SACS: variants seen among roughly 807,000 people sequenced by gnomAD.
The protein encoded by SACS is sacsin molecular chaperone.
Under a neutral mutation model 348.0 loss-of-function variants are expected in SACS, and 197 were observed. The observed-to-expected ratio is 0.57, with a 90% CI of 0.50 to 0.64. SACS has a LOEUF of 0.64. SACS is among the 30% of genes least tolerant of loss of function. The probability of loss-of-function intolerance (pLI) is 0.00; values close to 1 mark genes in which losing one functional copy is unlikely to be tolerated. For missense variants in SACS, 4,999 were observed against 5,360.8 expected (o/e 0.93, Z 2.11); for synonymous variants, 1,985 against 1,910.6 (o/e 1.04, Z -1.02).
Position 23,361,814 on chromosome 13 carries a change from TGA to T in SACS, c.458-3335_458-3334del, listed in dbSNP as rs1870751692. ...AAAAAAAAAAAAGGAATAAACATCC[TGA>T]GAGAAAAATTAAAAGGTTGTCTGGG... On this transcript the variant is annotated intron_variant, in intron 6 of 9. Transcript: ENST00000382292. Among the ~76,000 whole-genome samples the T allele has an allele frequency of 4.0e-5, 6 of 150,544 alleles. No individual in the cohort carries two copies. In the South Asian group the frequency reaches 1.0e-3, roughly 26 times the overall value.
chr13:23,415,381 A>G (rs1012846161), intron 1 of SACS, among the ~76,000 whole-genome samples: 10 of 152,054 alleles, frequency 6.6e-5, no homozygotes, highest in Non-Finnish European at 1.2e-4. Flanking sequence ...CTAACTCACA[A>G]TTTAGAATTC....
intron 1 of SACS, among the ~76,000 whole-genome samples, chr13:23,416,711 C>T (rs1051601342): frequency 2.7e-5 from 4 of 150,606 alleles, no homozygotes; most frequent in South Asian, 2.1e-4. Flanking sequence ...GAGCCAAGAT[C>T]GCGCCATTGC....
chr13:23,406,927 G>C (rs987318310), intron 2 of SACS, among the ~76,000 whole-genome samples: 1 of 152,124 alleles, frequency 6.6e-6, no homozygotes, highest in Non-Finnish European at 1.5e-5. Flanking sequence ...TTCTAGATGT[G>C]TTCACTGTCT....
At chr13:23,392,089 T>C (rs542108414) in intron 2 of SACS, among the ~76,000 whole-genome samples, 2 of 152,242 alleles carry the variant, frequency 1.3e-5, no homozygotes, top group East Asian at 3.9e-4. Context: ...GGAAACCAAG[T>C]CTACCGGGTC....
chr13:23,330,179 C>T lies in SACS; in HGVS notation c.13697G>A (p.Cys4566Tyr), dbSNP rs1216135861. ...VAMRVMECTA[C>Y]IIIKLENFMQ... Reference sequence around the variant, plus strand: ...AAAATTTTCAAGTTTTATTATGATACAGGCAGTACATTCCATCACCCTCAT... The same window carrying T: ...AAAATTTTCAAGTTTTATTATGATATAGGCAGTACATTCCATCACCCTCAT... The change falls in exon 10 of 10, where the codon TGT (cysteine) becomes TAT (tyrosine). Residue 4566 changes from cysteine to tyrosine, a missense_variant. This residue lies in a region of SACS where 254 missense variants were observed against 275.1 expected (regional missense o/e 0.92). Coordinates refer to ENST00000382292, the MANE Select transcript of SACS (RefSeq NM_014363.6). 1 of 1,613,992 alleles carries T rather than the reference C, an allele frequency of 6.2e-7. No individual in the cohort carries two copies. Among genetic ancestry groups the T allele is most frequent in the Non-Finnish European group, 8.5e-7 (1 of 1,179,930 alleles).
At position 23,371,162 on chromosome 13, in the gene SACS, A is replaced by G. The variant is rs539836931; in HGVS notation, c.175T>C (p.Ser59Pro). The change falls in exon 4 of 10, where the codon TCT becomes CCT. Residue 59 changes from serine (S) to proline (P), a missense_variant. Coordinates refer to ENST00000382292, the MANE Select transcript of SACS (RefSeq NM_014363.6). ...QRLWRGGREL[S>P]DWIKIGDLTS... ...AGATCTCCAATCTTGATCCAGTCAGATAACTGAAAAAAAGCAAAAGAAAAT... is the reference window on the plus strand; with the variant it reads ...AGATCTCCAATCTTGATCCAGTCAGGTAACTGAAAAAAAGCAAAAGAAAAT... 1.2e-6 allele frequency: 2 copies of G among 1,604,768 alleles called. No individual in the cohort carries two copies. Among genetic ancestry groups the G allele is most frequent in the Non-Finnish European group, 1.7e-6 (2 of 1,172,982 alleles).
intron 3 of SACS, among the ~76,000 whole-genome samples, chr13:23,374,299 A>G (rs1285777942): frequency 2.6e-5 from 4 of 152,208 alleles, no homozygotes; most frequent in African/African-American, 9.6e-5. Flanking sequence ...CTGAAGCAGG[A>G]AAAATCACAG....
Position 23,339,568 on chromosome 13 carries a change from A to G in SACS, c.4308T>C (p.Val1436=). The part of the protein sequence containing the change: ...IPMKTAEWLK[V]PCLSTRLINP... ...TTATCAGTCTTGTACTAAGGCATGG[A>G]ACTTTTAGCCATTCTGCAGTTTTCA... Residue 1436 remains valine (V), a synonymous_variant, in exon 10 of 10, where the codon GTT becomes GTC. Transcript: ENST00000382292. The G allele has an allele frequency of 6.2e-7, 1 of 1,612,860 alleles. No homozygotes were observed. Among genetic ancestry groups the G allele is most frequent in the Non-Finnish European group, 8.5e-7 (1 of 1,178,950 alleles).
In SACS at chr13:23,375,334, G is replaced by T. The variant is rs1871695510; in HGVS notation, c.21-65C>A. The T allele has an allele frequency of 3.7e-6, 5 of 1,346,504 alleles. No individual in the cohort carries two copies. The East Asian group carries it at 1.3e-4, about 34-fold the overall frequency. 83.4% of individuals were successfully genotyped at this position (1,346,504 alleles called of 1,614,324 possible). On this transcript the variant is annotated intron_variant, in intron 2 of 9. Coordinates refer to ENST00000382292, the MANE Select transcript of SACS (RefSeq NM_014363.6). The stretch of plus-strand genomic sequence containing the variant: ...CCACCCGCCCGCCCAGCGCCCGCGC[G>T]GCCTCCACCCGCGTTACCTCTCCCA...
In SACS at chr13:23,333,051, C is replaced by T. The variant is rs1184604309; in HGVS notation, c.10825G>A (p.Val3609Met). ...GACCAGTTTTCTGTATTAGCCCTCA[C>T]ACTGATTTCCTTAGCAAACTGTAAC... ...QLLQFAKEIS[V>M]RANTENWSKE... Residue 3609 changes from valine (V) to methionine (M), a missense_variant, in exon 10 of 10, where the codon GTG becomes ATG. Val to Met is a conservative substitution (Grantham distance 21). Around this residue, in one of 6 missense-constraint regions of SACS, gnomAD observed 831 missense variants for 941.8 expected, o/e 0.88. Coordinates refer to ENST00000382292, the MANE Select transcript of SACS (RefSeq NM_014363.6). 3 of 1,613,842 alleles carry T rather than the reference C, an allele frequency of 1.9e-6. 1 individual carries two copies. The East Asian group carries it at 6.7e-5, about 36-fold the overall frequency.
chr13:23,393,750 T>G (rs1237475989), intron 2 of SACS, among the ~76,000 whole-genome samples: 1 of 152,070 alleles, frequency 6.6e-6, no homozygotes, highest in Non-Finnish European at 1.5e-5. Context: ...TTCTTGGTAT[T>G]CTTTTTTTTA....
chr13:23,353,514 A>C (rs1240517408), intron 9 of SACS, among the ~76,000 whole-genome samples: 1 of 152,202 alleles, frequency 6.6e-6, no homozygotes, highest in Non-Finnish European at 1.5e-5. Context: ...AAAGCACTGG[A>C]AAACTGTAAA....
At chr13:23,396,440 G>A (rs574618130) in intron 2 of SACS, among the ~76,000 whole-genome samples, 3 of 151,490 alleles carry the variant, frequency 2.0e-5, no homozygotes. Flanking sequence ...TAATAACTAA[G>A]ACTATTTTGG....
chr13:23,416,555 C>G (rs1305803152), intron 1 of SACS, among the ~76,000 whole-genome samples: 6 of 151,986 alleles, frequency 3.9e-5, no homozygotes, highest in Admixed American at 1.3e-4. Flanking sequence ...CCCAGGAGTT[C>G]GAGGCCAGCC....
At chr13:23,414,900 G>C (rs1255530057) in intron 1 of SACS, among the ~76,000 whole-genome samples, 1 of 152,130 alleles carries the variant, frequency 6.6e-6, no homozygotes, top group Admixed American at 6.5e-5. Context: ...GGGGGAAGTG[G>C]GTTAAACATG....
Position 23,345,513 on chromosome 13 carries a change from G to A in SACS, c.2186-3823C>T, listed in dbSNP as rs114209131. The stretch of plus-strand genomic sequence containing the variant: ...CTGACACTCTGACTTCTTAGCTTTC[G>A]TCTTAAGAGAATCGCTGATGTAACC... On this transcript the variant is annotated intron_variant, in intron 9 of 9. Coordinates refer to ENST00000382292, the MANE Select transcript of SACS (RefSeq NM_014363.6). 2.9e-3 allele frequency among the ~76,000 whole-genome samples: 445 copies of A among 152,220 alleles called. 4 individuals are homozygous for A. The highest frequency in any genetic ancestry group is 0.01 in the African/African-American group (434 of 41,526).
At chr13:23,414,193 A>T (rs1365062210) in intron 1 of SACS, among the ~76,000 whole-genome samples, 1 of 152,154 alleles carries the variant, frequency 6.6e-6, no homozygotes, top group East Asian at 1.9e-4. Context: ...AGTCCCAGCT[A>T]CTCAGGAGGC....
chr13:23,332,562 C>G lies in SACS; in HGVS notation c.11314G>C (p.Val3772Leu). The G allele has an allele frequency of 5.0e-6, 8 of 1,613,882 alleles. No individual in the cohort carries two copies. The highest frequency in any genetic ancestry group is 6.8e-6 in the Non-Finnish European group (8 of 1,179,896). The change falls in exon 10 of 10, where the codon GTC becomes CTC. Residue 3772 changes from valine to leucine, a missense_variant. Physicochemically the swap from Val to Leu is conservative, Grantham distance 32. Transcript: ENST00000382292. Reference sequence around the variant, plus strand: ...AGGAATTCATATATGCTCCTTAAGACTTTTGCTCTAGTTTTTACCATTTCT... The same window carrying G: ...AGGAATTCATATATGCTCCTTAAGAGTTTTGCTCTAGTTTTTACCATTTCT... Reference protein sequence around the residue: ...DEEMVKTRAKVLRSIYEFLSA... With the variant: ...DEEMVKTRAKLLRSIYEFLSA...
chr13:23,371,074 A>T lies in SACS; in HGVS notation c.259+4T>A. ...ATATACTTCTGGTAAAGTCAATATTATACCTCCCCCTTTTAAGCCTTTTGA... is the reference window on the plus strand; with the variant it reads ...ATATACTTCTGGTAAAGTCAATATTTTACCTCCCCCTTTTAAGCCTTTTGA... On this transcript the variant is annotated splice_donor_region_variant and intron_variant, in intron 4 of 9. Coordinates refer to ENST00000382292, the MANE Select transcript of SACS (RefSeq NM_014363.6). The T allele has an allele frequency of 6.4e-7, 1 of 1,572,608 alleles. No homozygotes were observed. Among genetic ancestry groups the T allele is most frequent in the Non-Finnish European group, 8.7e-7 (1 of 1,143,346 alleles).
Sources: allele counts gnomAD v4.1 joint callset (sites outside exome capture counted in the v4.1 genomes callset), GRCh38; gene constraint gnomAD v4.1.1; regional missense constraint gnomAD v4.1.1; transcripts MANE v1.5; gene names NCBI Gene and HGNC (gene_info 2026-07-23, HGNC 2026-07-21).